The following DNAL1 variants were observed in gnomAD, a reference collection of about 807,000 sequenced individuals.
The protein encoded by DNAL1 is dynein axonemal light chain 1, also known as chromosome 14 open reading frame 168.
A neutral mutation model predicts 29.4 loss-of-function variants in DNAL1; 17 were observed. That is an observed-to-expected ratio of 0.58 (90% CI 0.40 to 0.87). DNAL1 has a LOEUF of 0.87. Among genes scored for constraint, DNAL1 ranks in the 40% least tolerant of loss-of-function variants. DNAL1 has a pLI of 0.00. For missense variants in DNAL1, 188 were observed against 214.1 expected, an observed-to-expected ratio of 0.88 and a Z score of 0.76; for synonymous variants, 78 against 76.3, an observed-to-expected ratio of 1.02 and a Z score of -0.12.
chr14:73,649,356 C>T (rs1359638881), intron 1 of DNAL1, among the ~76,000 whole-genome samples: 3 of 151,458 alleles, frequency 2.0e-5, no homozygotes, highest in African/African-American at 4.9e-5. Flanking sequence ...GATCTCGGCT[C>T]ACGGCAAGCT....
At chr14:73,689,317 C>T in intron 6 of DNAL1, 58 bp from the exon 7 acceptor site, 9 of 1,543,612 alleles carry the variant, frequency 5.8e-6, no homozygotes, top group Non-Finnish European at 7.9e-6. Flanking sequence ...CAGGCGTGGA[C>T]CACCGCACCC....
intron 6 of DNAL1, 43 bp downstream of exon 6, chr14:73,687,428 T>C: frequency 2.0e-6 from 3 of 1,485,780 alleles, no homozygotes; most frequent in South Asian, 3.0e-5. Context: ...ACCGCCTGTT[T>C]ATAGAAAATA....
chr14:73,662,071 A>T, intron 4 of DNAL1, 29 bp downstream of exon 4: 1 of 1,527,340 alleles, frequency 6.5e-7, no homozygotes, highest in South Asian at 1.2e-5. Flanking sequence ...CAGATGGTTC[A>T]TGGATTTCCT....
At chr14:73,648,414 A>ATATATATATATATG (rs1566878069) in intron 1 of DNAL1, among the ~76,000 whole-genome samples, 2 of 132,268 alleles carry the variant, frequency 1.5e-5, no homozygotes, top group Non-Finnish European at 3.2e-5. Flanking sequence ...ATATATATAT[A>ATATATATATATATG]TATTTGTTGT....
intron 3 of DNAL1, among the ~76,000 whole-genome samples, chr14:73,660,875 G>C (rs1247274974): frequency 6.6e-6 from 1 of 152,118 alleles, no homozygotes; most frequent in African/African-American, 2.4e-5. Flanking sequence ...TTCATATTTT[G>C]CTGACAATTT....
chr14:73,670,369 G>A (rs1286350989), intron 4 of DNAL1, among the ~76,000 whole-genome samples: 2 of 152,166 alleles, frequency 1.3e-5, no homozygotes, highest in East Asian at 3.8e-4. Context: ...TAATTAAAGA[G>A]CCACATGTGG....
chr14:73,649,551 G>T (rs1394867528), intron 1 of DNAL1, among the ~76,000 whole-genome samples: 1 of 152,040 alleles, frequency 6.6e-6, no homozygotes, highest in Non-Finnish European at 1.5e-5. Context: ...CAAAGTGCTG[G>T]GATTACAGGT....
chr14:73,664,104 G>A (rs1269258414), intron 4 of DNAL1, among the ~76,000 whole-genome samples: 1 of 152,204 alleles, frequency 6.6e-6, no homozygotes, highest in Non-Finnish European at 1.5e-5. Flanking sequence ...ACACAAAGAA[G>A]AATCTGTGCT....
At chr14:73,664,100 A>G (rs969215427) in intron 4 of DNAL1, among the ~76,000 whole-genome samples, 8 of 152,244 alleles carry the variant, frequency 5.3e-5, no homozygotes, top group African/African-American at 1.9e-4. Context: ...AATTACACAA[A>G]GAAGAATCTG....
intron 4 of DNAL1, among the ~76,000 whole-genome samples, chr14:73,666,878 T>G (rs2140038139): frequency 6.6e-6 from 1 of 152,266 alleles, no homozygotes; most frequent in Admixed American, 6.5e-5. Context: ...TCCTCCTGTC[T>G]TTTTGGCCAC....
At chr14:73,684,771 G>A (rs1047609937) in intron 5 of DNAL1, among the ~76,000 whole-genome samples, 2 of 152,032 alleles carry the variant, frequency 1.3e-5, no homozygotes, top group East Asian at 1.9e-4. Context: ...ATGGTGGCAC[G>A]TGCCTGTTCT....
intron 7 of DNAL1, among the ~76,000 whole-genome samples, chr14:73,695,047 G>GTTT (rs1785845154): frequency 2.1e-5 from 2 of 96,686 alleles, no homozygotes; most frequent in African/African-American, 8.5e-5. Context: ...GTACTTGTTG[G>GTTT]CTTTTTTTTT....
At chr14:73,652,833 A>C (rs1299281371) in intron 1 of DNAL1, among the ~76,000 whole-genome samples, 3 of 152,020 alleles carry the variant, frequency 2.0e-5, no homozygotes, top group Non-Finnish European at 4.4e-5. Flanking sequence ...CCTTCTTAGT[A>C]TTATATTCCC....
chr14:73,689,353 G>A (rs1024979600), intron 6 of DNAL1, 22 bp from the exon 7 acceptor site: 3 of 1,551,022 alleles, frequency 1.9e-6, no homozygotes, highest in Non-Finnish European at 2.6e-6. Flanking sequence ...TTTTAATATG[G>A]AAAATATTCT....
intron 1 of DNAL1, among the ~76,000 whole-genome samples, chr14:73,647,831 G>T (rs1328126092): frequency 1.3e-5 from 2 of 152,158 alleles, no homozygotes; most frequent in East Asian, 3.8e-4. Context: ...CCATGCAAAA[G>T]ATTTCTCTTG....
intron 5 of DNAL1, among the ~76,000 whole-genome samples, chr14:73,684,891 C>G (rs1891977263): frequency 6.6e-6 from 1 of 151,894 alleles, no homozygotes; most frequent in South Asian, 2.1e-4. Context: ...GAGACTCTGT[C>G]TCTAAACTAA....
At position 73,654,720 on chromosome 14, in the gene DNAL1, T is replaced by C. The variant is rs547716136; in HGVS notation, c.4-127T>C. The C allele has an allele frequency of 1.0e-4, 80 of 803,022 alleles. 2 individuals are homozygous for C. The South Asian group carries it at 1.6e-3, about 16-fold the overall frequency. The allele number at this position is 803,022 out of a possible 1,614,324, so 49.7% of individuals were successfully genotyped here. A position where few individuals can be genotyped will look rare whatever the true frequency, so the allele number is the denominator to read the frequency against. On this transcript the variant is annotated intron_variant, in intron 1 of 7. Coordinates refer to ENST00000553645, the MANE Select transcript of DNAL1 (RefSeq NM_031427.4). ...GTTGTGGTGAGCGGAAATCATGCCATTGCACTCCAGCCTGGGTGACAGAGC... is the reference window on the plus strand; with the variant it reads ...GTTGTGGTGAGCGGAAATCATGCCACTGCACTCCAGCCTGGGTGACAGAGC...
intron 1 of DNAL1, 109 bp downstream of exon 1, chr14:73,645,151 C>T: frequency 5.2e-6 from 8 of 1,533,448 alleles, no homozygotes; most frequent in Non-Finnish European, 7.1e-6. Context: ...GGAAGGGAGC[C>T]GGTAGCTGAC....
Position 73,680,846 on chromosome 14 carries a change from A to G in DNAL1, c.265-6413A>G, listed in dbSNP as rs544371351. Among the ~76,000 whole-genome samples, 3 of 152,348 alleles carry G rather than the reference A, an allele frequency of 2.0e-5. No homozygotes were observed. In the East Asian group the frequency reaches 5.8e-4, roughly 29 times the overall value. ...TTTAGCCTATTGCTCCTAGGCGACA[A>G]ACCTGCTCAGCATATCACTGTACTG... On this transcript the variant is annotated intron_variant, in intron 5 of 7. Transcript: ENST00000553645.
Sources: gnomAD v4.1 joint callset for allele counts (sites outside exome capture counted in the v4.1 genomes callset) on GRCh38, gnomAD v4.1.1 for gene constraint, MANE v1.5 for transcripts, NCBI Gene and HGNC (gene_info 2026-07-23, HGNC 2026-07-21) for gene names.